The following COL20A1 variants were observed in gnomAD, a reference collection of about 807,000 sequenced individuals.
COL20A1 encodes collagen type XX alpha 1 chain.
COL20A1 carries 164 observed loss-of-function variants against 152.9 expected under a neutral mutation model. The observed-to-expected ratio is 1.07, with a 90% CI of 0.94 to 1.22. The LOEUF is 1.22. Among genes scored for constraint, COL20A1 ranks in the 50% most tolerant of loss-of-function variants. The probability of loss-of-function intolerance (pLI) is 0.00; values close to 1 mark genes in which losing one functional copy is unlikely to be tolerated. For missense variants in COL20A1, 1,873 were observed against 1,744.8 expected, an observed-to-expected ratio of 1.07 and a Z score of -1.31; for synonymous variants, 864 against 756.0, an observed-to-expected ratio of 1.14 and a Z score of -2.34.
rs990799911 is a variant in COL20A1 at position 63,326,818 on chromosome 20, C to T, written c.3523C>T (p.Pro1175Ser). 1.3e-6 allele frequency: 2 copies of T among 1,499,438 alleles called. No homozygotes were observed. Among genetic ancestry groups the T allele is most frequent in the Non-Finnish European group, 1.8e-6 (2 of 1,135,846 alleles). The allele number at this position is 1,499,438 out of a possible 1,614,324, so 92.9% of individuals were successfully genotyped here. A position where few individuals can be genotyped will look rare whatever the true frequency, so the allele number is the denominator to read the frequency against. ...GERGPPGTVG[P>S]TGLPGPKGER... Reference sequence around the variant, plus strand: ...GCGAGGACCTCCAGGGACCGTGGGGCCCACAGTAAGTGCATTTCCAACACC... The same window carrying T: ...GCGAGGACCTCCAGGGACCGTGGGGTCCACAGTAAGTGCATTTCCAACACC... The change falls in exon 31 of 36, where the codon CCC (proline) becomes TCC (serine). Residue 1175 changes from proline to serine, a missense_variant. Transcript: ENST00000358894.
At chr20:63,312,297 T>C (rs965143884) in intron 14 of COL20A1, 123 bp from the exon 15 acceptor site, 8 of 1,237,772 alleles carry the variant, frequency 6.5e-6, no homozygotes, top group Non-Finnish European at 8.6e-6. Context: ...GACAAGCCCA[T>C]TTTCCCCGTT....
intron 9 of COL20A1, 123 bp downstream of exon 9, chr20:63,309,620 G>C: frequency 8.2e-7 from 1 of 1,222,426 alleles, no homozygotes; most frequent in Non-Finnish European, 1.1e-6. Flanking sequence ...GAGGGGGTCT[G>C]CAGCACCCCC....
In COL20A1 at chr20:63,331,287, T is replaced by G. The variant is rs1013460256; in HGVS notation, c.*571T>G. 2.6e-5 allele frequency: 4 copies of G among 152,202 alleles called. No homozygotes were observed. Among genetic ancestry groups the G allele is most frequent in the African/African-American group, 9.7e-5 (4 of 41,400 alleles). 9.4% of individuals were successfully genotyped at this position (152,202 alleles called of 1,614,324 possible). On this transcript the variant is annotated 3_prime_UTR_variant, in exon 36 of 36. Coordinates refer to ENST00000358894, the MANE Select transcript of COL20A1 (RefSeq NM_020882.4). ...CACTCCCACCCCGGCCCCAGCACCT[T>G]CACATCTGGGCACAGGCAGGTCCCT...
chr20:63,305,423 C>T lies in COL20A1; in HGVS notation c.200C>T (p.Ser67Leu), dbSNP rs758855756. ...LVQVKPMAGD[S>L]EQEVILTTKT... is the part of the protein sequence containing the mutation. ...TCTCCCCACCCCTACCCAGGGGACTCGGAACAGGAGGTGATACTGACCACC... is the reference window on the plus strand; with the variant it reads ...TCTCCCCACCCCTACCCAGGGGACTTGGAACAGGAGGTGATACTGACCACC... Residue 67 changes from serine (S) to leucine (L), a missense_variant, in exon 4 of 36, where the codon TCG becomes TTG. Physicochemically the swap from Ser to Leu is moderately radical, Grantham distance 145 (BLOSUM62 -2). Transcript: ENST00000358894. This position sits in a 1 kb window ranked among gnomAD's most constrained non-coding sequence, Gnocchi z 4.9. The T allele has an allele frequency of 8.4e-6, 13 of 1,538,848 alleles. No individual in the cohort carries two copies. Among genetic ancestry groups the T allele is most frequent in the African/African-American group, 2.8e-5 (2 of 71,068 alleles).
intron 10 of COL20A1, 122 bp downstream of exon 10, chr20:63,310,037 G>T (rs1273445540): frequency 2.1e-6 from 2 of 970,204 alleles, no homozygotes; most frequent in Non-Finnish European, 3.0e-6. Flanking sequence ...AGAAGGGGGT[G>T]TCGAGGGGCT....
At chr20:63,320,727 G>A (rs1455829976) in intron 25 of COL20A1, among the ~76,000 whole-genome samples, 2 of 152,176 alleles carry the variant, frequency 1.3e-5, no homozygotes, top group Non-Finnish European at 2.9e-5. Flanking sequence ...CATACTGGGG[G>A]CCCAGACGGG....
intron 3 of COL20A1, among the ~76,000 whole-genome samples, chr20:63,300,198 G>T (rs1296075826): frequency 1.3e-5 from 2 of 152,142 alleles, no homozygotes; most frequent in East Asian, 3.8e-4. Flanking sequence ...TCCTTTTAAA[G>T]TTTGGTATCA....
chr20:63,301,143 C>T (rs567009386), intron 3 of COL20A1, among the ~76,000 whole-genome samples: 25 of 152,188 alleles, frequency 1.6e-4, no homozygotes, highest in African/African-American at 5.5e-4. Flanking sequence ...GGCAAAACCC[C>T]GTCTCTACTA....
chr20:63,316,051 G>T (rs2068079774), intron 20 of COL20A1, among the ~76,000 whole-genome samples: 1 of 152,200 alleles, frequency 6.6e-6, no homozygotes. Flanking sequence ...GTCATCGCAG[G>T]CCCCCAGGCA....
intron 7 of COL20A1, 151 bp from the exon 8 acceptor site, chr20:63,308,391 T>C (rs1351942996): frequency 2.4e-6 from 2 of 821,086 alleles, no homozygotes; most frequent in Non-Finnish European, 3.7e-6. Context: ...CTTCAACAGG[T>C]AGACCCTCCC....
chr20:63,328,626 C>T (rs2068289654), intron 34 of COL20A1, 128 bp downstream of exon 34: 3 of 926,804 alleles, frequency 3.2e-6, no homozygotes, highest in South Asian at 3.5e-5. Flanking sequence ...CACTGTCCAG[C>T]CTCTGGGGTG....
chr20:63,325,797 G>A lies in COL20A1; in HGVS notation c.3402+76G>A, dbSNP rs1004373881. The A allele has an allele frequency of 5.2e-6, 7 of 1,350,074 alleles. No individual in the cohort carries two copies. In the African/African-American group the frequency reaches 5.8e-5, roughly 11 times the overall value. 83.6% of individuals were successfully genotyped at this position (1,350,074 alleles called of 1,614,324 possible). The stretch of plus-strand genomic sequence containing the variant: ...GGGGACGGGGGGCCTTGGAGATGGA[G>A]GCTGTGGGGTAGGGAGGGGGAGGTG... On this transcript the variant is annotated intron_variant, in intron 29 of 35. Coordinates refer to ENST00000358894, the MANE Select transcript of COL20A1 (RefSeq NM_020882.4).
chr20:63,299,351 T>C (rs936915208), intron 3 of COL20A1, among the ~76,000 whole-genome samples: 5 of 152,228 alleles, frequency 3.3e-5, no homozygotes, highest in Non-Finnish European at 7.3e-5. Flanking sequence ...CCGTCAACAC[T>C]GTATGATTGC....
In COL20A1 at chr20:63,325,869, C is replaced by T. The variant is rs2068239463; in HGVS notation, c.3402+148C>T. The T allele has an allele frequency of 3.6e-6, 3 of 822,096 alleles. No homozygotes were observed. In the Admixed American group the frequency reaches 7.5e-5, roughly 21 times the overall value. 50.9% of individuals were successfully genotyped at this position (822,096 alleles called of 1,614,324 possible). Reference sequence around the variant, plus strand: ...CACCTGCTGCACCACCCCCTTCAGCCTGTGGCCTGGCCAGAAGGCTGGAGA... The same window carrying T: ...CACCTGCTGCACCACCCCCTTCAGCTTGTGGCCTGGCCAGAAGGCTGGAGA... On this transcript the variant is annotated intron_variant, in intron 29 of 35. Transcript: ENST00000358894.
intron 19 of COL20A1, among the ~76,000 whole-genome samples, chr20:63,314,629 C>T (rs1462333108): frequency 1.3e-5 from 2 of 152,144 alleles, no homozygotes; most frequent in Admixed American, 6.5e-5. Context: ...GGACAGCTTC[C>T]CCGGCGAGGC....
At position 63,306,488 on chromosome 20, in the gene COL20A1, A is replaced by G. The variant is rs1461391504; in HGVS notation, c.496+449A>G. On this transcript the variant is annotated intron_variant, in intron 5 of 35. Coordinates refer to ENST00000358894, the MANE Select transcript of COL20A1 (RefSeq NM_020882.4). The surrounding 1 kb of genome is among the most constrained non-coding windows in gnomAD (Gnocchi z 6.9). The stretch of plus-strand genomic sequence containing the variant: ...ACCTCTGACCCCTTTGGGAACCTCC[A>G]GCCTGGGTCTAGGGGGTGGTGAGAG... Among the ~76,000 whole-genome samples the G allele has an allele frequency of 7.2e-5, 11 of 152,336 alleles. No individual in the cohort carries two copies. The East Asian group carries it at 1.9e-3, about 27-fold the overall frequency.
At chr20:63,300,563 T>C (rs776284706) in intron 3 of COL20A1, among the ~76,000 whole-genome samples, 10 of 152,238 alleles carry the variant, frequency 6.6e-5, no homozygotes, top group Non-Finnish European at 1.0e-4. Flanking sequence ...CCGTTATTGA[T>C]TGAATCTTCT....
At position 63,306,134 on chromosome 20, in the gene COL20A1, GTCTGACCACACGGTC is replaced by G; in HGVS notation, c.496+105_496+119del. The G allele has an allele frequency of 8.6e-7, 1 of 1,156,932 alleles. No individual in the cohort carries two copies. The highest frequency in any genetic ancestry group is 1.5e-5 in the South Asian group (1 of 64,788). 71.7% of individuals were successfully genotyped at this position (1,156,932 alleles called of 1,614,324 possible). A position where few individuals can be genotyped will look rare whatever the true frequency, so the allele number is the denominator to read the frequency against. On this transcript the variant is annotated intron_variant, in intron 5 of 35. Transcript: ENST00000358894. The surrounding 1 kb of genome is among the most constrained non-coding windows in gnomAD (Gnocchi z 6.9). ...ATGAGGCCAGGAAGTTCTTCCTCGTGTCTGACCACACGGTCTCTGACCACGAGGCCAGGAAGTTCT... is the reference window on the plus strand; with the variant it reads ...ATGAGGCCAGGAAGTTCTTCCTCGTGTCTGACCACGAGGCCAGGAAGTTCT...
At chr20:63,308,448 G>A in intron 7 of COL20A1, 94 bp from the exon 8 acceptor site, 1 of 1,223,434 alleles carries the variant, frequency 8.2e-7, no homozygotes, top group Non-Finnish European at 1.1e-6. Context: ...CACAAGGGAA[G>A]GAGAGGAGCA....
Sources: gnomAD v4.1 joint callset for allele counts (sites outside exome capture counted in the v4.1 genomes callset) on GRCh38, gnomAD v4.1.1 for gene constraint, Gnocchi (gnomAD v3.1) non-coding constraint, MANE v1.5 for transcripts, NCBI Gene and HGNC (gene_info 2026-07-23, HGNC 2026-07-21) for gene names.